The following ITGB3BP variants were observed in gnomAD, a reference collection of about 807,000 sequenced individuals.
ITGB3BP encodes the protein integrin subunit beta 3 binding protein, also known as centromere protein R.
In ITGB3BP, 27 loss-of-function variants were observed where a neutral mutation model predicts 29.1. The ratio of observed to expected loss-of-function variants is 0.93; its 90% CI spans 0.68 to 1.28. The LOEUF is 1.28. ITGB3BP is among the 50% of genes most tolerant of loss of function. The pLI is 0.00. For missense variants in ITGB3BP, 192 were observed against 200.2 expected, an observed-to-expected ratio of 0.96 and a Z score of 0.25; for synonymous variants, 61 against 61.4, an observed-to-expected ratio of 0.99 and a Z score of 0.03.
chr1:63,457,294 G>A (rs554850201), intron 4 of ITGB3BP: 15 of 152,042 alleles, frequency 9.9e-5, no homozygotes, highest in African/African-American at 3.6e-4. Context: ...ACTATTTGCT[G>A]AGCAGATTTT....
intron 4 of ITGB3BP, among the ~76,000 whole-genome samples, chr1:63,466,972 C>CCT (rs541019095): frequency 2.7e-3 from 409 of 152,290 alleles, no homozygotes; most frequent in African/African-American, 9.6e-3. Context: ...TCAGCCTCCA[C>CCT]CTCCTGGGCT....
At chr1:63,472,608 T>C (rs999536843) in intron 4 of ITGB3BP, among the ~76,000 whole-genome samples, 15 of 150,602 alleles carry the variant, frequency 1.0e-4, no homozygotes, top group African/African-American at 3.7e-4. Context: ...GTGCCTGCGA[T>C]TGCAGGCGCG....
At chr1:63,498,751 G>A (rs371624986) in intron 2 of ITGB3BP, among the ~76,000 whole-genome samples, 2 of 151,854 alleles carry the variant, frequency 1.3e-5, no homozygotes, top group African/African-American at 4.8e-5. Context: ...AGATATTAGT[G>A]GTGGTGATTC....
intron 4 of ITGB3BP, among the ~76,000 whole-genome samples, chr1:63,461,083 CAAA>C (rs35518465): frequency 9.2e-5 from 9 of 97,536 alleles, no homozygotes; most frequent in African/African-American, 9.2e-5. Context: ...ACTAAAACTA[CAAA>C]AAAAAAAAAA....
chr1:63,466,019 T>C (rs115575470), intron 4 of ITGB3BP, among the ~76,000 whole-genome samples: 2,038 of 152,286 alleles, frequency 0.013, 28 homozygotes, highest in Non-Finnish European at 0.022. Flanking sequence ...CTAACAATGA[T>C]GTACACACTT....
chr1:63,481,864 T>C (rs1180586152), intron 3 of ITGB3BP, among the ~76,000 whole-genome samples: 2 of 152,162 alleles, frequency 1.3e-5, no homozygotes, highest in African/African-American at 4.8e-5. Flanking sequence ...GATGAGAAAA[T>C]AGAAGTACAG....
intron 1 of ITGB3BP, among the ~76,000 whole-genome samples, chr1:63,517,694 T>C (rs766986255): frequency 2.6e-5 from 4 of 152,184 alleles, no homozygotes; most frequent in Non-Finnish European, 5.9e-5. Flanking sequence ...GATGTCATTG[T>C]TGAATCATTA....
At chr1:63,489,301 A>C (rs1645595412) in intron 3 of ITGB3BP, among the ~76,000 whole-genome samples, 1 of 151,778 alleles carries the variant, frequency 6.6e-6, no homozygotes, top group South Asian at 2.1e-4. Flanking sequence ...TAAACAATAA[A>C]ATGTGAATTA....
intron 1 of ITGB3BP, among the ~76,000 whole-genome samples, chr1:63,516,711 T>TG (rs1291110031): frequency 8.9e-4 from 53 of 59,568 alleles, no homozygotes; most frequent in African/African-American, 2.2e-3. Context: ...CCTTGTTTCA[T>TG]GAAAAAAAAA....
chr1:63,445,088 CA>C (rs1463186695), intron 8 of ITGB3BP, among the ~76,000 whole-genome samples: 2 of 152,018 alleles, frequency 1.3e-5, no homozygotes, highest in African/African-American at 4.8e-5. Flanking sequence ...AGTTCAAGAC[CA>C]GCCTGGCCAA....
chr1:63,478,454 C>T (rs147480518), intron 4 of ITGB3BP, among the ~76,000 whole-genome samples: 2,713 of 152,346 alleles, frequency 0.018, 28 homozygotes, highest in Non-Finnish European at 0.029. Flanking sequence ...TCCTAAACCA[C>T]GCATTACTTC....
chr1:63,497,593 A>C (rs1015502729), intron 2 of ITGB3BP, among the ~76,000 whole-genome samples: 59 of 152,240 alleles, frequency 3.9e-4, no homozygotes, highest in African/African-American at 1.4e-3. Context: ...AAATGTATCT[A>C]AGTCACTCAG....
chr1:63,505,584 G>C (rs1176713797), intron 2 of ITGB3BP, among the ~76,000 whole-genome samples: 1 of 152,082 alleles, frequency 6.6e-6, no homozygotes, highest in Non-Finnish European at 1.5e-5. Context: ...TGCTTCTCTA[G>C]TTCTTTTAAT....
chr1:63,456,732 G>A (rs1389264717), intron 4 of ITGB3BP, among the ~76,000 whole-genome samples: 2 of 152,102 alleles, frequency 1.3e-5, no homozygotes, highest in African/African-American at 2.4e-5. Context: ...TAACCCATAG[G>A]GAATTGTGTG....
chr1:63,453,647 A>G (rs1287165020), intron 7 of ITGB3BP: 4 of 264,476 alleles, frequency 1.5e-5, no homozygotes, highest in Non-Finnish European at 2.8e-5. Context: ...ATAAAAAGAC[A>G]AAATTCAAAT....
intron 4 of ITGB3BP, among the ~76,000 whole-genome samples, chr1:63,462,503 T>C (rs1170502932): frequency 2.6e-5 from 4 of 152,256 alleles, no homozygotes; most frequent in African/African-American, 9.6e-5. Flanking sequence ...TCCAATACAA[T>C]GTTGAACACC....
chr1:63,518,374 G>C (rs1425054055), intron 1 of ITGB3BP, among the ~76,000 whole-genome samples: 1 of 151,964 alleles, frequency 6.6e-6, no homozygotes, highest in Non-Finnish European at 1.5e-5. Flanking sequence ...TGTCAATTTT[G>C]TATAAGTTGT....
intron 1 of ITGB3BP, 93 bp downstream of exon 1, chr1:63,523,036 A>G: frequency 3.3e-6 from 5 of 1,492,998 alleles, no homozygotes; most frequent in East Asian, 2.3e-5. Context: ...CTCCGAAAAA[A>G]TAGGAAAACG....
chr1:63,458,043 G>A (rs974160587), intron 4 of ITGB3BP: 71 of 152,096 alleles, frequency 4.7e-4, no homozygotes, highest in African/African-American at 1.7e-3. Flanking sequence ...TAGAAGAGTT[G>A]CATTGTGAAA....
Sources: gnomAD v4.1 joint callset for allele counts (sites outside exome capture counted in the v4.1 genomes callset) on GRCh38, gnomAD v4.1.1 for gene constraint, MANE v1.5 for transcripts, NCBI Gene and HGNC (gene_info 2026-07-23, HGNC 2026-07-21) for gene names.